Variants in MYT1L observed in about 807,000 individuals in gnomAD.
MYT1L encodes the protein myelin transcription factor 1 like.
In MYT1L, 12 loss-of-function variants were observed where a neutral mutation model predicts 126.7. The observed-to-expected ratio is 0.09, with a 90% CI of 0.06 to 0.15. MYT1L has a LOEUF of 0.15. Ranked by LOEUF, MYT1L falls within the 10% of genes least tolerant of loss-of-function variation. MYT1L has a pLI of 1.00. For synonymous variants in MYT1L, 541 were observed against 604.2 expected (o/e 0.90, Z 1.53); for missense variants, 979 against 1,585.2 (o/e 0.62, Z 6.49).
rs192557286 is a variant in MYT1L, at chr2:2,002,349, T to C, written c.-157-5002A>G. ...CTCATCACCACTTATGGTAATAAGA[T>C]ACTGAAAACATTATCTATGATACCA... On this transcript the variant is annotated intron_variant, in intron 4 of 24. Coordinates refer to ENST00000647738, the MANE Select transcript of MYT1L (RefSeq NM_001303052.2). Among the ~76,000 whole-genome samples the C allele has an allele frequency of 1.1e-4, 17 of 152,358 alleles. No individual in the cohort carries two copies. In the East Asian group the frequency reaches 3.3e-3, roughly 29 times the overall value.
At chr2:2,205,258 A>G (rs1477008445) in intron 2 of MYT1L, among the ~76,000 whole-genome samples, 1 of 152,076 alleles carries the variant, frequency 6.6e-6, no homozygotes, top group Non-Finnish European at 1.5e-5. Context: ...CCTAAAACGT[A>G]AAGTATAATA....
intron 1 of MYT1L, among the ~76,000 whole-genome samples, chr2:2,290,332 C>T (rs1277581839): frequency 5.9e-5 from 9 of 152,180 alleles, no homozygotes; most frequent in East Asian, 1.9e-4. Flanking sequence ...CGTCTGCTTT[C>T]GTTTTTTAAA....
intron 4 of MYT1L, among the ~76,000 whole-genome samples, chr2:2,033,614 A>G (rs1441733790): frequency 1.4e-5 from 2 of 147,838 alleles, no homozygotes; most frequent in Non-Finnish European, 3.0e-5. Flanking sequence ...ACAAACATTA[A>G]AAAAAAAAAA....
chr2:2,314,575 G>C (rs1256531086), intron 1 of MYT1L, among the ~76,000 whole-genome samples: 1 of 152,108 alleles, frequency 6.6e-6, no homozygotes, highest in Non-Finnish European at 1.5e-5. Flanking sequence ...TTAATTTTAA[G>C]TTCTGGGATA....
chr2:1,869,046 G>A (rs529807340), intron 18 of MYT1L, among the ~76,000 whole-genome samples: 1 of 152,252 alleles, frequency 6.6e-6, no homozygotes, highest in South Asian at 2.1e-4. Flanking sequence ...ATGGGTGCTA[G>A]AGCTTCAGCC....
chr2:2,062,859 T>C (rs1158978062), intron 3 of MYT1L, among the ~76,000 whole-genome samples: 1 of 152,072 alleles, frequency 6.6e-6, no homozygotes, highest in Non-Finnish European at 1.5e-5. Flanking sequence ...TTCCCAAGAA[T>C]GAGGGGGTGT....
intron 19 of MYT1L, among the ~76,000 whole-genome samples, chr2:1,850,809 T>G (rs995495743): frequency 6.6e-6 from 1 of 152,098 alleles, no homozygotes; most frequent in African/African-American, 2.4e-5. Context: ...CCTTGGTGCT[T>G]CCCGTGGGGA....
chr2:1,894,234 C>T (rs2148893197), intron 14 of MYT1L, among the ~76,000 whole-genome samples: 1 of 152,340 alleles, frequency 6.6e-6, no homozygotes, highest in Middle Eastern at 3.4e-3. Flanking sequence ...CTTTGGGATG[C>T]CCCTCCTCTA....
At chr2:2,325,777 A>T (rs1315371098) in intron 1 of MYT1L, 1 of 152,296 alleles carries the variant, frequency 6.6e-6, no homozygotes, top group Admixed American at 6.5e-5. Context: ...GCATGCAGAC[A>T]TAGCAGTGCC....
chr2:2,205,030 C>G (rs1416870817), intron 2 of MYT1L, among the ~76,000 whole-genome samples: 3 of 148,122 alleles, frequency 2.0e-5, no homozygotes, highest in Middle Eastern at 3.5e-3. Context: ...CCAAACACTG[C>G]ATGTTCTCAC....
chr2:2,181,073 T>C (rs551401783), intron 2 of MYT1L, among the ~76,000 whole-genome samples: 5 of 151,936 alleles, frequency 3.3e-5, no homozygotes, highest in African/African-American at 1.2e-4. Flanking sequence ...CCTGTGTGTG[T>C]GCTTGTGTAT....
At chr2:2,153,965 C>T (rs1218426505) in intron 3 of MYT1L, among the ~76,000 whole-genome samples, 4 of 152,082 alleles carry the variant, frequency 2.6e-5, no homozygotes, top group Non-Finnish European at 5.9e-5. Flanking sequence ...AGGGACAAGG[C>T]CAGACAGGCA....
intron 18 of MYT1L, among the ~76,000 whole-genome samples, chr2:1,858,321 G>C (rs1189260217): frequency 6.6e-6 from 1 of 152,190 alleles, no homozygotes; most frequent in Non-Finnish European, 1.5e-5. Context: ...AACAGAAAGA[G>C]ACCAGGCTAC....
At chr2:1,857,164 T>A (rs1395999056) in intron 18 of MYT1L, among the ~76,000 whole-genome samples, 1 of 152,196 alleles carries the variant, frequency 6.6e-6, no homozygotes, top group African/African-American at 2.4e-5. Flanking sequence ...TGACTCAGCA[T>A]CTTACAGGAG....
chr2:2,223,318 A>G (rs894867613), intron 2 of MYT1L, among the ~76,000 whole-genome samples: 3 of 152,250 alleles, frequency 2.0e-5, no homozygotes, highest in African/African-American at 7.2e-5. Flanking sequence ...ATTTTTTCAC[A>G]CTAAAGAGAG....
At chr2:2,183,855 G>C (rs1362358925) in intron 2 of MYT1L, among the ~76,000 whole-genome samples, 1 of 131,886 alleles carries the variant, frequency 7.6e-6, no homozygotes, top group Non-Finnish European at 1.6e-5. Flanking sequence ...AAGGAGAGGA[G>C]GGAAGGAAAA....
intron 3 of MYT1L, among the ~76,000 whole-genome samples, chr2:2,072,179 A>G (rs2074680120): frequency 6.6e-6 from 1 of 152,102 alleles, no homozygotes; most frequent in Middle Eastern, 3.2e-3. Flanking sequence ...GCCCTTGTCT[A>G]TATGTCTTTG....
intron 2 of MYT1L, among the ~76,000 whole-genome samples, chr2:2,254,458 G>A (rs544750208): frequency 6.6e-6 from 1 of 152,116 alleles, no homozygotes; most frequent in African/African-American, 2.4e-5. Context: ...TTCCAGAGGC[G>A]CTGGAGCTGC....
chr2:1,836,530 C>A (rs138365686), intron 21 of MYT1L, among the ~76,000 whole-genome samples: 1 of 147,350 alleles, frequency 6.8e-6, no homozygotes, highest in Non-Finnish European at 1.5e-5. Flanking sequence ...CATCAGCCTG[C>A]GCTCCAATAT....
Sources: gnomAD v4.1 joint callset for allele counts (sites outside exome capture counted in the v4.1 genomes callset) on GRCh38, gnomAD v4.1.1 for gene constraint, MANE v1.5 for transcripts, NCBI Gene and HGNC (gene_info 2026-07-23, HGNC 2026-07-21) for gene names.